ALDH9A1: variants seen among roughly 807,000 people sequenced by gnomAD.
ALDH9A1 encodes aldehyde dehydrogenase 9 family member A1, also known as 4-trimethylaminobutyraldehyde dehydrogenase.
A neutral mutation model predicts 56.6 loss-of-function variants in ALDH9A1; 42 were observed. The ratio of observed to expected loss-of-function variants is 0.74; its 90% CI spans 0.58 to 0.96. The LOEUF (loss-of-function observed/expected upper bound fraction) is 0.96, where lower values mean the gene tolerates loss of function less well. ALDH9A1 is among the 40% of genes least tolerant of loss of function. ALDH9A1 has a pLI of 0.00. For synonymous variants in ALDH9A1, 242 were observed against 236.0 expected (o/e 1.03, Z -0.23); for missense variants, 661 against 651.5 (o/e 1.01, Z -0.16).
intron 6 of ALDH9A1, chr1:165,671,590 G>A (rs1649181344): frequency 2.2e-6 from 1 of 460,670 alleles, no homozygotes; most frequent in African/African-American, 2.0e-5. Flanking sequence ...TTGAGAGGAA[G>A]AGAAAGGATG....
chr1:165,695,408 C>G lies in ALDH9A1; in HGVS notation c.182-11G>C. The G allele has an allele frequency of 6.3e-7, 1 of 1,579,556 alleles. No homozygotes were observed. The highest frequency in any genetic ancestry group is 2.3e-5 in the East Asian group (1 of 42,918). On this transcript the variant is annotated splice_polypyrimidine_tract_variant and intron_variant, in intron 1 of 10. Coordinates refer to ENST00000354775, the MANE Select transcript of ALDH9A1 (RefSeq NM_000696.4). ...TAGCTATCACTCGGCCTATAAAGAGCGGAAACATCAGTTTTAACTCAAATT... is the reference window on the plus strand; with the variant it reads ...TAGCTATCACTCGGCCTATAAAGAGGGGAAACATCAGTTTTAACTCAAATT...
At chr1:165,674,867 T>C (rs1649298887) in intron 6 of ALDH9A1, among the ~76,000 whole-genome samples, 1 of 151,968 alleles carries the variant, frequency 6.6e-6, no homozygotes, top group African/African-American at 2.4e-5. Context: ...GATGAACGGA[T>C]AAATTGTGAT....
At chr1:165,670,962 A>AC (rs148053085) in intron 6 of ALDH9A1, among the ~76,000 whole-genome samples, 58,815 of 151,654 alleles carry the variant, frequency 0.39, 11,513 homozygotes, top group Middle Eastern at 0.48. Context: ...AGTCCCAGCT[A>AC]TAGGAGGCTA....
chr1:165,696,406 A>C (rs769076179), intron 1 of ALDH9A1, among the ~76,000 whole-genome samples: 1 of 152,246 alleles, frequency 6.6e-6, no homozygotes, highest in African/African-American at 2.4e-5. Context: ...GGGGTCTTGT[A>C]AAATGAAAGT....
At chr1:165,678,896 A>G (rs1245262549) in intron 6 of ALDH9A1, among the ~76,000 whole-genome samples, 1 of 152,218 alleles carries the variant, frequency 6.6e-6, no homozygotes, top group African/African-American at 2.4e-5. Flanking sequence ...ATAACTGAAG[A>G]ACTGTTCTCA....
chr1:165,680,443 A>C, intron 5 of ALDH9A1, 44 bp downstream of exon 5: 1 of 1,596,162 alleles, frequency 6.3e-7, no homozygotes. Flanking sequence ...GATTTGCCAC[A>C]TCCAAATGCC....
intron 10 of ALDH9A1, among the ~76,000 whole-genome samples, 172 bp downstream of exon 10, chr1:165,664,846 C>T (rs1054590603): frequency 7.9e-5 from 12 of 152,184 alleles, no homozygotes; most frequent in African/African-American, 2.4e-4. Flanking sequence ...GGGGAAGATG[C>T]TTGACTTCCA....
intron 10 of ALDH9A1, 137 bp from the exon 11 acceptor site, chr1:165,663,281 T>G (rs754629632): frequency 4.2e-6 from 3 of 711,956 alleles, no homozygotes; most frequent in Non-Finnish European, 7.2e-6. Flanking sequence ...AAAGCCTCAA[T>G]CCACATATTA....
Position 165,667,408 on chromosome 1 carries a change from A to G in ALDH9A1, c.1250T>C (p.Phe417Ser). The change falls in exon 9 of 11, where the codon TTT becomes TCT. Residue 417 changes from phenylalanine (F) to serine (S), a missense_variant. Physicochemically the swap from Phe to Ser is radical, Grantham distance 155 (BLOSUM62 -2). Transcript: ENST00000354775. ...DDMTCVKEEI[F>S]GPVMSILSFD... is the part of the protein sequence containing the mutation. Reference sequence around the variant, plus strand: ...TGATAAAATGGACATAACAGGCCCAAAGATCTCTTCCTTCACACAGGTCAT... The same window carrying G: ...TGATAAAATGGACATAACAGGCCCAGAGATCTCTTCCTTCACACAGGTCAT... 6.2e-7 allele frequency: 1 copy of G among 1,614,104 alleles called. No individual in the cohort carries two copies. The highest frequency in any genetic ancestry group is 8.5e-7 in the Non-Finnish European group (1 of 1,179,980).
intron 10 of ALDH9A1, among the ~76,000 whole-genome samples, chr1:165,663,607 G>A (rs1374878428): frequency 6.6e-6 from 1 of 152,194 alleles, no homozygotes; most frequent in Non-Finnish European, 1.5e-5. Context: ...GGTCACTGAA[G>A]GTCCCTCTGA....
intron 6 of ALDH9A1, among the ~76,000 whole-genome samples, chr1:165,674,685 C>A (rs77992167): frequency 3.6e-3 from 416 of 115,212 alleles, no homozygotes; most frequent in Middle Eastern, 4.5e-3. Flanking sequence ...GACTCCGAAT[C>A]AAAAAAAAAA....
At chr1:165,695,160 G>A (rs914541769) in intron 2 of ALDH9A1, 92 bp downstream of exon 2, 33 of 1,354,608 alleles carry the variant, frequency 2.4e-5, no homozygotes, top group African/African-American at 1.1e-4. Context: ...AAAACGTTAC[G>A]GCCTAATGTT....
intron 9 of ALDH9A1, among the ~76,000 whole-genome samples, chr1:165,665,748 A>G (rs1648986877): frequency 6.6e-6 from 1 of 152,252 alleles, no homozygotes; most frequent in Non-Finnish European, 1.5e-5. Flanking sequence ...AACCAGAAGG[A>G]CAGACAATAA....
chr1:165,683,797 A>G (rs4646892), intron 2 of ALDH9A1, among the ~76,000 whole-genome samples: 98,868 of 151,984 alleles, frequency 0.65, 32,603 homozygotes, highest in East Asian at 0.95. Flanking sequence ...TAGATGGTCC[A>G]ATGATGAGCT....
chr1:165,682,993 C>T lies in ALDH9A1; in HGVS notation c.445G>A (p.Ala149Thr), dbSNP rs781012030. 4 of 1,613,766 alleles carry T rather than the reference C, an allele frequency of 2.5e-6. No individual in the cohort carries two copies. Among genetic ancestry groups the T allele is most frequent in the Non-Finnish European group, 2.5e-6 (3 of 1,179,898 alleles). The change falls in exon 3 of 11, where the codon GCA becomes ACA. Residue 149 changes from alanine (A) to threonine (T), a missense_variant. Transcript: ENST00000354775. The part of the protein sequence containing the change: ...QCLEYYAGLA[A>T]SMAGEHIQLP... ...GGTGAGGACTTACCAGCCATGGATG[C>T]AGCCAAGCCCGCATAATACTCCAGG...
At chr1:165,694,478 TTA>T (rs1003429306) in intron 2 of ALDH9A1, among the ~76,000 whole-genome samples, 4 of 148,964 alleles carry the variant, frequency 2.7e-5, no homozygotes, top group African/African-American at 9.8e-5. Flanking sequence ...TTGTATATAT[TTA>T]TGATGTAAAA....
At position 165,669,262 on chromosome 1, in the gene ALDH9A1, C is replaced by G. The variant is rs762309156; in HGVS notation, c.1119G>C (p.Gln373His). Residue 373 changes from glutamine to histidine, a missense_variant and splice_region_variant, in exon 7 of 11, where the codon CAG becomes CAC. Coordinates refer to ENST00000354775, the MANE Select transcript of ALDH9A1 (RefSeq NM_000696.4). ...CACCCTACTGCCAATTATTTCTTAC[C>G]TGCTCCTTTGCCACTTTGACAAACC... is the stretch of plus-strand genomic sequence containing the variant. ...VLGFVKVAKE[Q>H]GAKVLCGGDI... The G allele has an allele frequency of 1.2e-6, 2 of 1,600,246 alleles. No homozygotes were observed. The highest frequency in any genetic ancestry group is 2.3e-5 in the South Asian group (2 of 88,500).
At chr1:165,685,642 GGAAGGA>G (rs1649685941) in intron 2 of ALDH9A1, among the ~76,000 whole-genome samples, 1 of 152,178 alleles carries the variant, frequency 6.6e-6, no homozygotes, top group Admixed American at 6.5e-5. Flanking sequence ...TGGTAAACGA[GGAAGGA>G]CCAGTAGTGC....
At chr1:165,674,315 TAAAAAAAAA>T (rs56088658) in intron 6 of ALDH9A1, among the ~76,000 whole-genome samples, 1 of 58,056 alleles carries the variant, frequency 1.7e-5, no homozygotes, top group Non-Finnish European at 3.2e-5. Flanking sequence ...TTCCTTTCAC[TAAAAAAAAA>T]AAAAAAAAAA....
Sources: allele counts gnomAD v4.1 joint callset (sites outside exome capture counted in the v4.1 genomes callset), GRCh38; gene constraint gnomAD v4.1.1; transcripts MANE v1.5; gene names NCBI Gene and HGNC (gene_info 2026-07-23, HGNC 2026-07-21).